HERC3: variants seen among roughly 807,000 people sequenced by gnomAD.
HERC3 encodes probable E3 ubiquitin-protein ligase HERC3.
Under a neutral mutation model 129.9 loss-of-function variants are expected in HERC3, and 58 were observed. The observed-to-expected ratio is 0.45, with a 90% CI of 0.36 to 0.56. HERC3 has a LOEUF of 0.56. Among genes scored for constraint, HERC3 ranks in the 20% least tolerant of loss-of-function variants. The pLI, the probability that HERC3 is intolerant of heterozygous loss-of-function variation, is 0.00. For missense variants in HERC3, 835 were observed against 1,244.2 expected, an observed-to-expected ratio of 0.67 and a Z score of 4.95; for synonymous variants, 430 against 451.0, an observed-to-expected ratio of 0.95 and a Z score of 0.59.
intron 21 of HERC3, among the ~76,000 whole-genome samples, chr4:88,686,057 A>C (rs1293733467): frequency 6.6e-6 from 1 of 152,146 alleles, no homozygotes; most frequent in Non-Finnish European, 1.5e-5. Flanking sequence ...ACACAGAGAT[A>C]ATGTATTTTT....
At chr4:88,686,481 C>T (rs1446787403) in intron 21 of HERC3, among the ~76,000 whole-genome samples, 5 of 152,158 alleles carry the variant, frequency 3.3e-5, no homozygotes, top group African/African-American at 9.7e-5. Context: ...AAAAATCCAT[C>T]TGATTTTCTT....
chr4:88,667,592 A>G lies in HERC3; in HGVS notation c.1443+104A>G, dbSNP rs573589530. Reference sequence around the variant, plus strand: ...TAAGATGAAAAAGTGAAAGTCTCCAAATCTTAATTTTGTAAAGTATTTACT... The same window carrying G: ...TAAGATGAAAAAGTGAAAGTCTCCAGATCTTAATTTTGTAAAGTATTTACT... On this transcript the variant is annotated intron_variant, in intron 13 of 25. Transcript: ENST00000402738. 3 of 702,310 alleles carry G rather than the reference A, an allele frequency of 4.3e-6. No individual in the cohort carries two copies. In the Admixed American group the frequency reaches 9.5e-5, roughly 22 times the overall value. 43.5% of individuals were successfully genotyped at this position (702,310 alleles called of 1,614,324 possible).
At chr4:88,677,882 C>T in intron 18 of HERC3, 82 bp from the exon 19 acceptor site, 2 of 1,308,008 alleles carry the variant, frequency 1.5e-6, no homozygotes, top group Non-Finnish European at 2.1e-6. Flanking sequence ...GTCAGCGCCC[C>T]CAAGTCCAGA....
chr4:88,697,217 C>T, intron 23 of HERC3: 4 of 1,517,256 alleles, frequency 2.6e-6, no homozygotes, highest in East Asian at 2.3e-5. Flanking sequence ...TACTTCTTGG[C>T]GTCATCAGGC....
At chr4:88,678,200 C>A in intron 19 of HERC3, 66 bp downstream of exon 19, 2 of 1,376,904 alleles carry the variant, frequency 1.5e-6, no homozygotes, top group Non-Finnish European at 2.0e-6. Context: ...GTTGATTAAG[C>A]AGCAGTGATC....
At chr4:88,706,663 G>A (rs1735808316) in intron 25 of HERC3, 89 bp from the exon 26 acceptor site, 1 of 986,100 alleles carries the variant, frequency 1.0e-6, no homozygotes, top group Non-Finnish European at 1.6e-6. Context: ...GCCACAGGGT[G>A]TCATGCCTTC....
chr4:88,664,007 C>A (rs112981452), intron 11 of HERC3, 146 bp from the exon 12 acceptor site: 1 of 553,040 alleles, frequency 1.8e-6, no homozygotes, highest in Non-Finnish European at 3.0e-6. Flanking sequence ...TTTTCTAAAG[C>A]AAATGTACAT....
At chr4:88,647,934 T>A (rs1345575983) in intron 3 of HERC3, among the ~76,000 whole-genome samples, 1 of 152,080 alleles carries the variant, frequency 6.6e-6, no homozygotes, top group Non-Finnish European at 1.5e-5. Flanking sequence ...AGAGTTCTGT[T>A]ATATTCTCTA....
At chr4:88,669,791 G>T in intron 14 of HERC3, 69 bp from the exon 15 acceptor site, 1 of 1,335,704 alleles carries the variant, frequency 7.5e-7, no homozygotes, top group South Asian at 1.3e-5. Flanking sequence ...ATTTTTAACT[G>T]GCAGGCAGAA....
chr4:88,635,764 C>T (rs1201276599), intron 3 of HERC3, among the ~76,000 whole-genome samples: 1 of 152,084 alleles, frequency 6.6e-6, no homozygotes, highest in African/African-American at 2.4e-5. Flanking sequence ...GCCATGTCAC[C>T]TACAAAGGGA....
rs555582560 is a variant in HERC3, at chr4:88,706,834, G to A, written c.3027G>A (p.Glu1009=). ...QIVIQSTASG[E]EYLPVAHTCY... ...TCATCCAGTCCACAGCCAGCGGGGA[G>A]GAGTACTTGCCGGTGGCCCACACTT... Residue 1009 remains glutamate, a synonymous_variant, in exon 26 of 26, where the codon GAG becomes GAA. Transcript: ENST00000402738. 5.6e-6 allele frequency: 9 copies of A among 1,614,154 alleles called. No individual in the cohort carries two copies. In the African/African-American group the frequency reaches 1.2e-4, roughly 22 times the overall value.
At chr4:88,657,861 T>A (rs905924001) in intron 9 of HERC3, among the ~76,000 whole-genome samples, 1 of 151,864 alleles carries the variant, frequency 6.6e-6, no homozygotes, top group East Asian at 1.9e-4. Context: ...GTGCTCTCGG[T>A]GGGCACATTC....
At chr4:88,656,880 A>G (rs1025582032) in intron 9 of HERC3, 12 of 152,230 alleles carry the variant, frequency 7.9e-5, no homozygotes, top group Non-Finnish European at 1.3e-4. Flanking sequence ...AAGATCACAT[A>G]GATTCTGGAG....
chr4:88,679,993 T>C, intron 19 of HERC3, 100 bp from the exon 20 acceptor site: 1 of 1,026,972 alleles, frequency 9.7e-7, no homozygotes, highest in Non-Finnish European at 1.4e-6. Flanking sequence ...TTTGTTATGC[T>C]TTCCTTCCTT....
At chr4:88,680,304 C>A in intron 20 of HERC3, 68 bp downstream of exon 20, 6 of 1,223,696 alleles carry the variant, frequency 4.9e-6, no homozygotes, top group Non-Finnish European at 5.6e-6. Flanking sequence ...TCAGACCAAT[C>A]CCCTAACTTC....
intron 3 of HERC3, among the ~76,000 whole-genome samples, chr4:88,608,117 C>T (rs1254009617): frequency 1.3e-5 from 2 of 152,112 alleles, no homozygotes; most frequent in Non-Finnish European, 2.9e-5. Flanking sequence ...TTTATTATTC[C>T]CTTCCATAGT....
the HERC3 span, among the ~76,000 whole-genome samples, chr4:88,557,700 A>T: frequency 2.0e-5 from 3 of 152,170 alleles, no homozygotes; most frequent in Non-Finnish European, 4.4e-5. Flanking sequence ...CACTTTTACA[A>T]TGCTAGTTGG....
At chr4:88,639,391 G>A (rs1373693699) in intron 3 of HERC3, among the ~76,000 whole-genome samples, 1 of 152,014 alleles carries the variant, frequency 6.6e-6, no homozygotes, top group Non-Finnish European at 1.5e-5. Flanking sequence ...TACCAAAACA[G>A]ACTTATAGAC....
In HERC3 at chr4:88,605,990, A is replaced by G; in HGVS notation, c.167A>G (p.Tyr56Cys). 6.2e-7 allele frequency: 1 copy of G among 1,614,138 alleles called. No homozygotes were observed. Among genetic ancestry groups the G allele is most frequent in the Non-Finnish European group, 8.5e-7 (1 of 1,180,024 alleles). The change falls in exon 3 of 26, where the codon TAC becomes TGC. Residue 56 changes from tyrosine to cysteine, a missense_variant. Coordinates refer to ENST00000402738, the MANE Select transcript of HERC3 (RefSeq NM_014606.3). Reference protein sequence around the residue: ...SVFLLEDGEVYTCGLNTKGQL... With the variant: ...SVFLLEDGEVCTCGLNTKGQL... ...TTCCTGCTGGAAGATGGGGAAGTTT[A>G]CACATGTGGTTTGAACACCAAGGGG...
Sources: gnomAD v4.1 joint callset for allele counts (sites outside exome capture counted in the v4.1 genomes callset) on GRCh38, gnomAD v4.1.1 for gene constraint, MANE v1.5 for transcripts, NCBI Gene and HGNC (gene_info 2026-07-23, HGNC 2026-07-21) for gene names.